IPP: variants seen among roughly 807,000 people sequenced by gnomAD.
The protein encoded by IPP is actin-binding protein IPP.
IPP carries 41 observed loss-of-function variants against 64.1 expected under a neutral mutation model. The observed-to-expected ratio is 0.64, with a 90% CI of 0.50 to 0.83. The LOEUF is 0.83. Ranked by LOEUF, IPP falls within the 40% of genes least tolerant of loss-of-function variation. The pLI is 0.00. For missense variants in IPP, 649 were observed against 703.0 expected (o/e 0.92, Z 0.87); for synonymous variants, 214 against 235.2 (o/e 0.91, Z 0.83).
At chr1:45,708,299 C>T (rs1645541518) in intron 8 of IPP, among the ~76,000 whole-genome samples, 1 of 151,462 alleles carries the variant, frequency 6.6e-6, no homozygotes, top group East Asian at 2.0e-4. Context: ...CTCCTGACCT[C>T]CTGATCTGCC....
chr1:45,717,221 GAAAAAAAA>G (rs56338317), intron 6 of IPP, among the ~76,000 whole-genome samples: 18 of 95,256 alleles, frequency 1.9e-4, no homozygotes, highest in South Asian at 1.1e-3. Context: ...GCTCTTTTGA[GAAAAAAAA>G]AAAAAAAAAA....
At position 45,719,345 on chromosome 1, in the gene IPP, G is replaced by C; in HGVS notation, c.1049-5C>G. 6.3e-7 allele frequency: 1 copy of C among 1,574,926 alleles called. No individual in the cohort carries two copies. Among genetic ancestry groups the C allele is most frequent in the Admixed American group, 1.8e-5 (1 of 54,252 alleles). ...AAATCATTGAATCCTTTTCACCTGAGTTAAATAAAAGAGACAAATATTATA... is the reference window on the plus strand; with the variant it reads ...AAATCATTGAATCCTTTTCACCTGACTTAAATAAAAGAGACAAATATTATA... On this transcript the variant is annotated splice_polypyrimidine_tract_variant and splice_region_variant and intron_variant, in intron 5 of 8. Coordinates refer to ENST00000396478, the MANE Select transcript of IPP (RefSeq NM_005897.3).
chr1:45,748,004 C>T (rs1403461842), intron 1 of IPP, among the ~76,000 whole-genome samples: 3 of 151,902 alleles, frequency 2.0e-5, no homozygotes, highest in South Asian at 2.1e-4. Flanking sequence ...AAAATGGTTA[C>T]GTTTATAGCA....
At chr1:45,747,083 C>T (rs965235072) in intron 1 of IPP, among the ~76,000 whole-genome samples, 2 of 152,044 alleles carry the variant, frequency 1.3e-5, no homozygotes, top group East Asian at 1.9e-4. Flanking sequence ...AATACCCTAC[C>T]ACCCTACTCT....
At chr1:45,717,669 G>A (rs904890605) in intron 6 of IPP, among the ~76,000 whole-genome samples, 3 of 151,784 alleles carry the variant, frequency 2.0e-5, no homozygotes, top group Admixed American at 1.3e-4. Context: ...CCACCACCAC[G>A]CCCAGCTAAT....
At chr1:45,726,065 A>G (rs1338495743) in intron 5 of IPP, among the ~76,000 whole-genome samples, 2 of 148,840 alleles carry the variant, frequency 1.3e-5, no homozygotes, top group Non-Finnish European at 3.0e-5. Context: ...CCTCTGCGAG[A>G]AACACCCAAG....
intron 8 of IPP, among the ~76,000 whole-genome samples, chr1:45,702,370 AAC>A (rs1441285629): frequency 3.3e-5 from 5 of 151,856 alleles, no homozygotes; most frequent in African/African-American, 1.2e-4. Flanking sequence ...CTGGATTTGT[AAC>A]ACAAATTGTT....
intron 5 of IPP, among the ~76,000 whole-genome samples, chr1:45,723,829 TAAATA>T (rs1252080586): frequency 6.6e-6 from 1 of 151,802 alleles, no homozygotes; most frequent in Admixed American, 6.6e-5. Flanking sequence ...AAAAAATAAA[TAAATA>T]AAATAAAAAT....
At chr1:45,695,674 T>TC (rs2148542020), downstream of IPP, among the ~76,000 whole-genome samples, 1 of 138,516 alleles carries the variant, frequency 7.2e-6, no homozygotes, top group East Asian at 2.1e-4. Flanking sequence ...TAACCTGGAA[T>TC]TTTTTTTTTT....
At chr1:45,742,148 A>C (rs1646074976) in intron 2 of IPP, among the ~76,000 whole-genome samples, 1 of 152,240 alleles carries the variant, frequency 6.6e-6, no homozygotes, top group Non-Finnish European at 1.5e-5. Flanking sequence ...GTTCTCACTC[A>C]TAAATGGGAG....
chr1:45,720,237 A>G (rs569033024), intron 5 of IPP, among the ~76,000 whole-genome samples: 4 of 152,260 alleles, frequency 2.6e-5, no homozygotes, highest in Admixed American at 1.3e-4. Context: ...CACCATGTCC[A>G]GGTAATTTAG....
chr1:45,746,252 C>G lies in IPP; in HGVS notation c.160G>C (p.Val54Leu). ...GQESFKAHRLVLAASSPYFAA... is the reference protein window; with the variant it reads ...GQESFKAHRLLLAASSPYFAA... Reference sequence around the variant, plus strand: ...AAGTAAGGACTGCTGGCAGCCAAAACCAGCCGATGAGCTTTAAAACTTTCC... The same window carrying G: ...AAGTAAGGACTGCTGGCAGCCAAAAGCAGCCGATGAGCTTTAAAACTTTCC... The change falls in exon 2 of 9, where the codon GTT (valine) becomes CTT (leucine). Residue 54 changes from valine (V) to leucine (L), a missense_variant. By Grantham distance (32) the Val-to-Leu change is conservative. Transcript: ENST00000396478. 2 of 1,614,210 alleles carry G rather than the reference C, an allele frequency of 1.2e-6. No individual in the cohort carries two copies. Among genetic ancestry groups the G allele is most frequent in the Non-Finnish European group, 1.7e-6 (2 of 1,180,030 alleles).
chr1:45,729,288 A>G (rs1459860224), intron 4 of IPP, among the ~76,000 whole-genome samples: 2 of 151,952 alleles, frequency 1.3e-5, no homozygotes, highest in African/African-American at 4.8e-5. Flanking sequence ...CTTGAGATTT[A>G]TTTTCTTTAT....
chr1:45,725,974 C>T (rs1198917715), intron 5 of IPP, among the ~76,000 whole-genome samples: 10 of 141,490 alleles, frequency 7.1e-5, no homozygotes, highest in African/African-American at 2.6e-4. Flanking sequence ...GGTCCTCTGC[C>T]TAGGAAAACC....
chr1:45,730,107 G>C (rs191894622), intron 3 of IPP, among the ~76,000 whole-genome samples: 281 of 152,272 alleles, frequency 1.8e-3, no homozygotes, highest in Admixed American at 2.9e-3. Context: ...CAGTACTTTG[G>C]GGGGCCAAGT....
chr1:45,729,752 G>T lies in IPP; in HGVS notation c.742C>A (p.Leu248Ile). The change falls in exon 4 of 9, where the codon CTT (leucine) becomes ATT (isoleucine). Residue 248 changes from leucine (L) to isoleucine (I), a missense_variant. Coordinates refer to ENST00000396478, the MANE Select transcript of IPP (RefSeq NM_005897.3). ...KYIEGVSDFN[L>I]RVALQTLLKE... ...AGAAGTGTTTGCAATGCAACACGAAGATTAAAATCGGATACTCCTAAAACA... is the reference window on the plus strand; with the variant it reads ...AGAAGTGTTTGCAATGCAACACGAATATTAAAATCGGATACTCCTAAAACA... 1.3e-6 allele frequency: 2 copies of T among 1,580,806 alleles called. No individual in the cohort carries two copies. Among genetic ancestry groups the T allele is most frequent in the South Asian group, 1.2e-5 (1 of 86,008 alleles).
At chr1:45,727,922 A>AGGG (rs1645853313) in intron 4 of IPP, 124 bp from the exon 5 acceptor site, 2 of 651,660 alleles carry the variant, frequency 3.1e-6, no homozygotes, top group Non-Finnish European at 4.5e-6. Flanking sequence ...CATATAATGT[A>AGGG]ATATTCTTAA....
chr1:45,732,081 C>T (rs1645914735), intron 3 of IPP, among the ~76,000 whole-genome samples: 1 of 152,100 alleles, frequency 6.6e-6, no homozygotes, highest in Non-Finnish European at 1.5e-5. Context: ...CGCTCCTGGC[C>T]AGGCACGGTG....
chr1:45,700,062 C>G lies in IPP; in HGVS notation c.1659G>C (p.Leu553Phe). ...SSHDFLAPGT[L>F]DSVEVYNPHS... ...GAGGGTTATAAACTTCAACTGAGTC[C>G]AAGGTACCTGGAGCCAAAAAATCAT... Residue 553 changes from leucine to phenylalanine, a missense_variant, in exon 9 of 9, where the codon TTG (leucine) becomes TTC (phenylalanine). Transcript: ENST00000396478. The G allele has an allele frequency of 6.2e-7, 1 of 1,614,084 alleles. No homozygotes were observed. Among genetic ancestry groups the G allele is most frequent in the South Asian group, 1.1e-5 (1 of 91,076 alleles).
Sources: allele counts gnomAD v4.1 joint callset (sites outside exome capture counted in the v4.1 genomes callset), GRCh38; gene constraint gnomAD v4.1.1; transcripts MANE v1.5; gene names NCBI Gene and HGNC (gene_info 2026-07-23, HGNC 2026-07-21).